PCLO: variants seen among roughly 807,000 people sequenced by gnomAD.
PCLO encodes piccolo presynaptic cytomatrix protein, also known as protein piccolo.
A neutral mutation model predicts 427.5 loss-of-function variants in PCLO; 82 were observed. The observed-to-expected ratio is 0.19, with a 90% CI of 0.16 to 0.23. The LOEUF is 0.23. Among genes scored for constraint, PCLO ranks in the 10% least tolerant of loss-of-function variants. PCLO has a pLI of 1.00. For synonymous variants in PCLO, 2,357 were observed against 2,155.4 expected, an observed-to-expected ratio of 1.09 and a Z score of -2.59; for missense variants, 6,239 against 6,115.9, an observed-to-expected ratio of 1.02 and a Z score of -0.67.
intron 2 of PCLO, among the ~76,000 whole-genome samples, chr7:83,151,235 T>A (rs1792121489): frequency 6.6e-6 from 1 of 152,200 alleles, no homozygotes; most frequent in African/African-American, 2.4e-5. Context: ...TGAAACGATA[T>A]CACTAATACT....
At position 82,779,998 on chromosome 7, in the gene PCLO, T is replaced by A. The variant is rs1790838851; in HGVS notation, c.15008-18505A>T. 2.0e-5 allele frequency among the ~76,000 whole-genome samples: 3 copies of A among 152,268 alleles called. No individual in the cohort carries two copies. In the South Asian group the frequency reaches 6.2e-4, roughly 32 times the overall value. On this transcript the variant is annotated intron_variant, in intron 22 of 24. Coordinates refer to ENST00000333891, the MANE Select transcript of PCLO (RefSeq NM_033026.6). ...TTTTAAGCTCTCAGTAGGTGTTAGTTATCAACAGTTGTTCTACAATAGAAA... is the reference window on the plus strand; with the variant it reads ...TTTTAAGCTCTCAGTAGGTGTTAGTAATCAACAGTTGTTCTACAATAGAAA...
At chr7:82,800,161 A>T (rs1396111542) in intron 22 of PCLO, among the ~76,000 whole-genome samples, 1 of 152,224 alleles carries the variant, frequency 6.6e-6, no homozygotes, top group East Asian at 1.9e-4. Context: ...GCGTCCAAAG[A>T]TTAATTTACA....
intron 6 of PCLO, 45 bp downstream of exon 6, chr7:82,949,431 T>C: frequency 7.1e-7 from 1 of 1,414,858 alleles, no homozygotes; most frequent in Admixed American, 2.2e-5. Flanking sequence ...AACACATGAT[T>C]AATAACTCAT....
chr7:83,078,519 C>CATT (rs143405758), intron 3 of PCLO, among the ~76,000 whole-genome samples: 4 of 150,284 alleles, frequency 2.7e-5, no homozygotes, highest in Admixed American at 6.7e-5. Context: ...ATGTTGCTAG[C>CATT]ATTATTATTA....
chr7:83,024,518 C>G (rs1788434279), intron 3 of PCLO, among the ~76,000 whole-genome samples: 3 of 152,242 alleles, frequency 2.0e-5, no homozygotes, highest in South Asian at 2.1e-4. Context: ...ATGCAGCAGC[C>G]AGGCTGGGGG....
chr7:83,099,253 C>T (rs1057318697), intron 3 of PCLO, among the ~76,000 whole-genome samples: 3 of 144,968 alleles, frequency 2.1e-5, no homozygotes, highest in East Asian at 2.0e-4. Context: ...GTGGAGGCAA[C>T]GAGATACTGA....
intron 3 of PCLO, among the ~76,000 whole-genome samples, chr7:83,074,002 T>C (rs75850955): frequency 0.019 from 2,936 of 151,930 alleles, 102 homozygotes; most frequent in African/African-American, 0.068. Flanking sequence ...AGAAAATTAA[T>C]TCAGCATACT....
At chr7:83,098,297 C>G (rs7801795) in intron 3 of PCLO, among the ~76,000 whole-genome samples, 150,172 of 152,264 alleles carry the variant, frequency 0.99, 74,065 homozygotes, top group East Asian at 1. Flanking sequence ...TGCAGAGACA[C>G]AGTAGGAGGT....
chr7:82,902,482 C>G (rs1375204926), intron 9 of PCLO, among the ~76,000 whole-genome samples, 169 bp downstream of exon 9: 1 of 151,546 alleles, frequency 6.6e-6, no homozygotes, highest in Non-Finnish European at 1.5e-5. Flanking sequence ...TGCTAAATGA[C>G]GAGTTAATGG....
At chr7:82,907,641 T>G (rs2116223690) in intron 8 of PCLO, among the ~76,000 whole-genome samples, 1 of 152,078 alleles carries the variant, frequency 6.6e-6, no homozygotes, top group South Asian at 2.1e-4. Flanking sequence ...TGAAGTAGAA[T>G]AATGGAATTA....
chr7:82,805,700 G>C lies in PCLO; in HGVS notation c.14921C>G (p.Pro4974Arg), dbSNP rs763271856. 36 of 1,612,726 alleles carry C rather than the reference G, an allele frequency of 2.2e-5. No homozygotes were observed. The highest frequency in any genetic ancestry group is 3.1e-5 in the Non-Finnish European group (36 of 1,179,454). The change falls in exon 21 of 25, where the codon CCT (proline) becomes CGT (arginine). Residue 4974 changes from proline to arginine, a missense_variant. Transcript: ENST00000333891. Reference protein sequence around the residue: ...SSTAGETNLFPIPRIGKMGQN... With the variant: ...SSTAGETNLFRIPRIGKMGQN... ...GAGACCCACTTACATCCTCGGAATA[G>C]GAAATAGATTAGTCTCCCCTGCAGT...
chr7:82,871,367 T>C (rs1044670147), intron 10 of PCLO, among the ~76,000 whole-genome samples: 17 of 151,992 alleles, frequency 1.1e-4, no homozygotes, highest in African/African-American at 4.1e-4. Context: ...AAGACAAATA[T>C]TACATGTTCT....
In PCLO at chr7:82,951,194, C is replaced by T. The variant is rs567125732; in HGVS notation, c.9394G>A (p.Ala3132Thr). The T allele has an allele frequency of 6.2e-7, 1 of 1,613,604 alleles. No individual in the cohort carries two copies. Among genetic ancestry groups the T allele is most frequent in the South Asian group, 1.1e-5 (1 of 90,998 alleles). ...GGCATTGGCTGGCTATGGTGCATGG[C>T]AGGTAATGAAGTCACTGCATCAGCC... is the stretch of plus-strand genomic sequence containing the variant. Reference protein sequence around the residue: ...HTADAVTSLPAMHHSQPMPRS... With the variant: ...HTADAVTSLPTMHHSQPMPRS... The change falls in exon 6 of 25, where the codon GCC (alanine) becomes ACC (threonine). Residue 3132 changes from alanine to threonine, a missense_variant. By Grantham distance (58) the Ala-to-Thr change is moderately conservative. Around this residue, in one of 5 missense-constraint regions of PCLO, gnomAD observed 4,677 missense variants for 4,468.4 expected, o/e 1.05. Transcript: ENST00000333891.
chr7:82,775,653 C>A (rs1225044791), intron 22 of PCLO, among the ~76,000 whole-genome samples: 9 of 151,994 alleles, frequency 5.9e-5, no homozygotes, highest in Admixed American at 2.6e-4. Flanking sequence ...TATTTTTTCC[C>A]AGATTGTGGG....
chr7:82,801,776 C>T (rs1337806539), intron 21 of PCLO, among the ~76,000 whole-genome samples, 185 bp from the exon 22 acceptor site: 2 of 152,066 alleles, frequency 1.3e-5, no homozygotes, highest in East Asian at 3.9e-4. Flanking sequence ...GTTAATTGCT[C>T]TATATCATAA....
intron 2 of PCLO, 46 bp downstream of exon 2, chr7:83,154,702 G>A (rs1398527659): frequency 2.2e-6 from 3 of 1,354,400 alleles, no homozygotes; most frequent in Non-Finnish European, 3.2e-6. Flanking sequence ...TGTATAAGAG[G>A]ATGATATGGC....
intron 10 of PCLO, among the ~76,000 whole-genome samples, chr7:82,856,169 G>A (rs1218083179): frequency 1.3e-5 from 2 of 152,048 alleles, no homozygotes; most frequent in Admixed American, 1.3e-4. Context: ...GGCATGTGGT[G>A]CAGGAAACAC....
chr7:82,764,487 A>G (rs1393657890), intron 22 of PCLO, among the ~76,000 whole-genome samples: 29 of 151,944 alleles, frequency 1.9e-4, no homozygotes, highest in Admixed American at 1.8e-3. Flanking sequence ...TAGCTAGTCT[A>G]TTTTAAAAAT....
chr7:82,818,783 CT>C (rs1668422486), intron 20 of PCLO, among the ~76,000 whole-genome samples: 1 of 152,196 alleles, frequency 6.6e-6, no homozygotes, highest in Non-Finnish European at 1.5e-5. Flanking sequence ...ATTGAAATAA[CT>C]ACCTCATCCA....
Sources: gnomAD v4.1 joint callset for allele counts (sites outside exome capture counted in the v4.1 genomes callset) on GRCh38, gnomAD v4.1.1 for gene constraint, gnomAD v4.1.1 regional missense constraint, MANE v1.5 for transcripts, NCBI Gene and HGNC (gene_info 2026-07-23, HGNC 2026-07-21) for gene names.